Variants in APLF observed in about 807,000 individuals in gnomAD.
APLF encodes aprataxin and PNKP like factor.
A neutral mutation model predicts 55.6 loss-of-function variants in APLF; 61 were observed. The observed-to-expected ratio is 1.10, with a 90% CI of 0.89 to 1.36. The LOEUF (loss-of-function observed/expected upper bound fraction) is 1.36. APLF is among the 40% of genes most tolerant of loss of function. APLF has a pLI of 0.00. For synonymous variants in APLF, 207 were observed against 214.8 expected (o/e 0.96, Z 0.32); for missense variants, 611 against 602.5 (o/e 1.01, Z -0.15).
At chr2:68,504,366 A>G (rs1054165013) in intron 3 of APLF, among the ~76,000 whole-genome samples, 2 of 151,906 alleles carry the variant, frequency 1.3e-5, no homozygotes, top group Non-Finnish European at 2.9e-5. Context: ...CCTCAAAACT[A>G]CAGACCAATA....
chr2:68,513,277 A>T (rs1247741286), intron 4 of APLF, 50 bp downstream of exon 4: 8 of 1,539,466 alleles, frequency 5.2e-6, no homozygotes, highest in Non-Finnish European at 6.1e-6. Context: ...TCAAGTTATT[A>T]TGAAGGCAGA....
At chr2:68,544,005 G>T (rs1258399217) in intron 7 of APLF, among the ~76,000 whole-genome samples, 4 of 131,608 alleles carry the variant, frequency 3.0e-5, no homozygotes, top group East Asian at 2.3e-4. Flanking sequence ...TTTTTGAGAT[G>T]GAGTCTTGCT....
chr2:68,494,201 CA>C (rs1676463660), intron 2 of APLF, among the ~76,000 whole-genome samples: 1 of 141,634 alleles, frequency 7.1e-6, no homozygotes, highest in African/African-American at 2.6e-5. Context: ...GCTTGAACCC[CA>C]GGGGGACAGA....
chr2:68,577,958 A>G lies in APLF; in HGVS notation c.1472A>G (p.Asp491Gly). ...EDSDWEPGKE[D>G]EEKEDVEELL... ...TCTGACTGGGAACCAGGAAAGGAAG[A>G]TGAAGAGAAGGAAGATGTGGAAGAG... The change falls in exon 10 of 10, where the codon GAT becomes GGT. Residue 491 changes from aspartate (D) to glycine (G), a missense_variant. Transcript: ENST00000303795. The G allele has an allele frequency of 1.2e-6, 2 of 1,613,694 alleles. No individual in the cohort carries two copies. The highest frequency in any genetic ancestry group is 1.7e-6 in the Non-Finnish European group (2 of 1,179,738).
Position 68,501,426 on chromosome 2 carries a change from T to TAA in APLF, c.169-1294_169-1293dup, listed in dbSNP as rs80226716. 5.9e-3 allele frequency among the ~76,000 whole-genome samples: 848 copies of TAA among 143,292 alleles called. 4 individuals are homozygous for TAA. Among genetic ancestry groups the TAA allele is most frequent in the African/African-American group, 0.02 (808 of 39,484 alleles). The allele number at this position is 143,292 out of a possible 152,430, so 94.0% of individuals were successfully genotyped here. ...TCGGTGCTCTCTATAAGATTGTACT[T>TAA]AAAAAAAAAAAACACCAAAGATCTG... On this transcript the variant is annotated intron_variant, in intron 2 of 9. Coordinates refer to ENST00000303795, the MANE Select transcript of APLF (RefSeq NM_173545.3).
At chr2:68,564,564 A>G (rs987427656) in intron 8 of APLF, among the ~76,000 whole-genome samples, 9 of 152,138 alleles carry the variant, frequency 5.9e-5, no homozygotes, top group Middle Eastern at 3.4e-3. Context: ...TTTATTTAAC[A>G]CCTACCAAGC....
At chr2:68,576,204 A>T (rs1671616121) in intron 9 of APLF, among the ~76,000 whole-genome samples, 1 of 152,194 alleles carries the variant, frequency 6.6e-6, no homozygotes, top group African/African-American at 2.4e-5. Context: ...AGTTATGTGT[A>T]TAAGGTATTT....
intron 1 of APLF, among the ~76,000 whole-genome samples, chr2:68,471,979 C>T (rs953386667): frequency 2.0e-5 from 3 of 152,122 alleles, no homozygotes; most frequent in African/African-American, 7.2e-5. Flanking sequence ...TTAAGAAATA[C>T]ATTGGTTTGG....
At chr2:68,567,538 A>T in intron 9 of APLF, 151 bp downstream of exon 9, 1 of 655,478 alleles carries the variant, frequency 1.5e-6, no homozygotes, top group Non-Finnish European at 2.5e-6. Context: ...TTATATTAAA[A>T]AAAAACACAA....
At chr2:68,496,135 T>C (rs1676539198) in intron 2 of APLF, among the ~76,000 whole-genome samples, 1 of 152,240 alleles carries the variant, frequency 6.6e-6, no homozygotes, top group Non-Finnish European at 1.5e-5. Flanking sequence ...GGAGTCTTGC[T>C]GTGTCACCCA....
At position 68,557,277 on chromosome 2, in the gene APLF, A is replaced by G. The variant is rs80131696; in HGVS notation, c.1287-10064A>G. On this transcript the variant is annotated intron_variant, in intron 8 of 9. Coordinates refer to ENST00000303795, the MANE Select transcript of APLF (RefSeq NM_173545.3). ...TACTATGTAATTGTTATTGTACTTT[A>G]CTGTTTAGGGAACTATGACAAGAAA... 2.1e-3 allele frequency among the ~76,000 whole-genome samples: 327 copies of G among 152,282 alleles called. 1 individual carries two copies. Among genetic ancestry groups the G allele is most frequent in the African/African-American group, 7.4e-3 (306 of 41,576 alleles).
At chr2:68,518,964 T>C (rs1443891845) in intron 5 of APLF, among the ~76,000 whole-genome samples, 3 of 121,760 alleles carry the variant, frequency 2.5e-5, no homozygotes, top group African/African-American at 1.0e-4. Context: ...TAATAATACA[T>C]AATAATATGC....
intron 3 of APLF, among the ~76,000 whole-genome samples, chr2:68,510,664 A>T (rs1425932831): frequency 1.3e-5 from 2 of 151,728 alleles, no homozygotes; most frequent in Non-Finnish European, 2.9e-5. Context: ...CAGCATTTCC[A>T]CTCCTATGTA....
In APLF at chr2:68,500,437, C is replaced by T. The variant is rs191916767; in HGVS notation, c.169-2294C>T. 2.3e-3 allele frequency among the ~76,000 whole-genome samples: 357 copies of T among 152,200 alleles called. 4 individuals carry two copies. The highest frequency in any genetic ancestry group is 1.5e-3 in the Non-Finnish European group (101 of 68,020). Reference sequence around the variant, plus strand: ...GAAAACATACTCAAACAGAATATTGCGTGATCTCTGGGTTTGTGATGCTTT... The same window carrying T: ...GAAAACATACTCAAACAGAATATTGTGTGATCTCTGGGTTTGTGATGCTTT... On this transcript the variant is annotated intron_variant, in intron 2 of 9. Transcript: ENST00000303795.
intron 1 of APLF, among the ~76,000 whole-genome samples, chr2:68,489,112 A>G (rs915665722): frequency 4.6e-5 from 7 of 152,210 alleles, no homozygotes; most frequent in African/African-American, 1.4e-4. Context: ...TGAAAAATTC[A>G]TTCATGTGAT....
chr2:68,570,289 T>TTA (rs1558557052), intron 9 of APLF, among the ~76,000 whole-genome samples: 2,345 of 96,894 alleles, frequency 0.024, 57 homozygotes, highest in African/African-American at 0.17. Context: ...TTTTTTTTAA[T>TTA]ATATATATAT....
In APLF at chr2:68,541,317, A is replaced by C. The variant is rs999936688; in HGVS notation, c.1160+3090A>C. 7.2e-5 allele frequency among the ~76,000 whole-genome samples: 11 copies of C among 152,270 alleles called. No homozygotes were observed. The East Asian group carries it at 2.1e-3, about 29-fold the overall frequency. Reference sequence around the variant, plus strand: ...AAAATTAAAATTAAAATTACCCTTTATGTTATATTTAAATATAATATTAGA... The same window carrying C: ...AAAATTAAAATTAAAATTACCCTTTCTGTTATATTTAAATATAATATTAGA... On this transcript the variant is annotated intron_variant, in intron 7 of 9. Coordinates refer to ENST00000303795, the MANE Select transcript of APLF (RefSeq NM_173545.3).
At chr2:68,480,552 T>A (rs746908424) in intron 1 of APLF, among the ~76,000 whole-genome samples, 7 of 152,178 alleles carry the variant, frequency 4.6e-5, no homozygotes, top group Admixed American at 2.6e-4. Context: ...TCCACCCACC[T>A]TGGCCTCCCA....
intron 3 of APLF, 128 bp downstream of exon 3, chr2:68,503,031 T>C: frequency 1.1e-6 from 1 of 929,710 alleles, no homozygotes; most frequent in South Asian, 1.7e-5. Flanking sequence ...AATGTGTGTG[T>C]ACGCATGTGT....
Sources: allele counts gnomAD v4.1 joint callset (sites outside exome capture counted in the v4.1 genomes callset), GRCh38; gene constraint gnomAD v4.1.1; transcripts MANE v1.5; gene names NCBI Gene and HGNC (gene_info 2026-07-23, HGNC 2026-07-21).